The following KLHL5 variants were observed in gnomAD, a reference collection of about 807,000 sequenced individuals.
The protein encoded by KLHL5 is kelch-like protein 5.
In KLHL5, 48 loss-of-function variants were observed where a neutral mutation model predicts 77.7. That is an observed-to-expected ratio of 0.62 (90% CI 0.49 to 0.79). KLHL5 has a LOEUF of 0.79. Among genes scored for constraint, KLHL5 ranks in the 30% least tolerant of loss-of-function variants. KLHL5 has a pLI of 0.00. For synonymous variants in KLHL5, 260 were observed against 297.0 expected, an observed-to-expected ratio of 0.88 and a Z score of 1.28; for missense variants, 723 against 859.7, an observed-to-expected ratio of 0.84 and a Z score of 1.99.
At chr4:39,139,218 G>A in the KLHL5 span, among the ~76,000 whole-genome samples, 2 of 149,234 alleles carry the variant, frequency 1.3e-5, no homozygotes, top group Non-Finnish European at 3.0e-5. Context: ...GGAGACGGAG[G>A]TTGCAGTGAG....
rs1560408519 is a variant in KLHL5, at chr4:39,063,036, GTTGA to G, written c.383+4_383+7del. ...ATGAATCTGATTCCAGTTCATGCAG[GTTGA>G]TTATTTTCTTACTGTTAGAAAAGGG... On this transcript the variant is annotated splice_donor_variant and splice_donor_5th_base_variant and intron_variant, in intron 1 of 10. Transcript: ENST00000504108. LOFTEE classifies it high-confidence loss of function. 1 of 1,607,322 alleles carries G rather than the reference GTTGA, an allele frequency of 6.2e-7. No homozygotes were observed. The highest frequency in any genetic ancestry group is 1.1e-5 in the South Asian group (1 of 90,042).
At chr4:39,112,793 C>G in intron 8 of KLHL5, 1 of 473,220 alleles carries the variant, frequency 2.1e-6, no homozygotes, top group Non-Finnish European at 3.8e-6. Flanking sequence ...GTTGTCACTG[C>G]CTTCATGTGC....
chr4:39,115,679 T>C (rs756678695), intron 10 of KLHL5: 34 of 1,265,436 alleles, frequency 2.7e-5, no homozygotes, highest in Non-Finnish European at 3.2e-5. Flanking sequence ...TCAGAAAACT[T>C]TGAACAACTT....
intron 10 of KLHL5, chr4:39,115,957 T>C: frequency 1.0e-6 from 1 of 986,776 alleles, no homozygotes; most frequent in Non-Finnish European, 1.2e-6. Context: ...AGTTCAGTAC[T>C]TGGTACATAA....
At position 39,045,152 on chromosome 4, in the gene KLHL5, C is replaced by T. The variant is rs1193935085; in HGVS notation, c.-95+56C>T. ...AGGGGGCCGCCTCGGGCAGGGCCCGCTTCCCGCCCCCACGCGACTCTCACG... is the reference window on the plus strand; with the variant it reads ...AGGGGGCCGCCTCGGGCAGGGCCCGTTTCCCGCCCCCACGCGACTCTCACG... On this transcript the variant is annotated intron_variant, in intron 1 of 11. Transcript: ENST00000261425. 1.0e-5 allele frequency: 10 copies of T among 984,234 alleles called. No homozygotes were observed. In the East Asian group the frequency reaches 3.4e-4, roughly 34 times the overall value. 61.0% of individuals were successfully genotyped at this position (984,234 alleles called of 1,614,324 possible).
intron 5 of KLHL5, among the ~76,000 whole-genome samples, chr4:39,092,223 A>G (rs765037965): frequency 6.6e-5 from 10 of 152,098 alleles, no homozygotes; most frequent in Non-Finnish European, 1.5e-4. Context: ...ATGAAAGTAT[A>G]TATTTTGTAG....
chr4:39,115,627 A>G, intron 10 of KLHL5: 1 of 1,367,086 alleles, frequency 7.3e-7, no homozygotes, highest in South Asian at 1.8e-5. Context: ...GAGGGCTGCA[A>G]CAATGGGAGG....
In KLHL5 at chr4:39,082,098, G is replaced by T. The variant is rs749997338; in HGVS notation, c.839G>T (p.Arg280Leu). 1.9e-6 allele frequency: 3 copies of T among 1,613,854 alleles called. No individual in the cohort carries two copies. The highest frequency in any genetic ancestry group is 2.5e-6 in the Non-Finnish European group (3 of 1,179,900). The part of the protein sequence containing the change: ...QLHPSNCLGI[R>L]SFADAQGCTD... ...CATCCATCCAACTGTCTTGGAATTC[G>T]TTCTTTTGCTGATGCCCAAGGTTGT... Residue 280 changes from arginine (R) to leucine (L), a missense_variant, in exon 4 of 11, where the codon CGT (arginine) becomes CTT (leucine). Arg to Leu is a moderately radical substitution (Grantham distance 102). Around this residue, in one of 3 missense-constraint regions of KLHL5, gnomAD observed 288 missense variants for 400.3 expected, o/e 0.72. Coordinates refer to ENST00000504108, the MANE Select transcript of KLHL5 (RefSeq NM_015990.5).
the KLHL5 span, chr4:39,134,180 A>G: frequency 6.6e-6 from 1 of 152,348 alleles, no homozygotes; most frequent in East Asian, 1.9e-4. Context: ...CCTCTGAGAA[A>G]GTTTTCTCTG....
chr4:39,091,877 C>G (rs7356462), intron 5 of KLHL5, among the ~76,000 whole-genome samples: 3,863 of 117,716 alleles, frequency 0.033, 213 homozygotes, highest in African/African-American at 0.12. Context: ...GTAGAGACAG[C>G]GTCTCACTTT....
intron 1 of KLHL5, among the ~76,000 whole-genome samples, chr4:39,048,651 T>TTTTTG: frequency 6.9e-6 from 1 of 143,984 alleles, no homozygotes. Context: ...TTTTTTTTTT[T>TTTTTG]TTTTTTTTGG....
chr4:39,077,966 G>A (rs887606732), intron 2 of KLHL5, among the ~76,000 whole-genome samples: 74 of 152,266 alleles, frequency 4.9e-4, no homozygotes, highest in Middle Eastern at 3.4e-3. Context: ...ATGAAATAAT[G>A]GGATTCTCAG....
In KLHL5 at chr4:39,062,238, A is replaced by G; in HGVS notation, c.-415A>G. On this transcript the variant is annotated 5_prime_UTR_variant, in exon 1 of 11. Transcript: ENST00000504108. The stretch of plus-strand genomic sequence containing the variant: ...AAGCAGCAGAGACTGAGATACTGCA[A>G]CGGGGATAGTGTTTTCTGTCTCTGT... 8.0e-7 allele frequency: 1 copy of G among 1,245,466 alleles called. No individual in the cohort carries two copies. The highest frequency in any genetic ancestry group is 1.0e-6 in the Non-Finnish European group (1 of 990,628). The allele number at this position is 1,245,466 out of a possible 1,614,324, so 77.2% of individuals were successfully genotyped here. A position where few individuals can be genotyped will look rare whatever the true frequency, so the allele number is the denominator to read the frequency against.
the KLHL5 span, among the ~76,000 whole-genome samples, chr4:39,137,039 C>T: frequency 6.6e-6 from 1 of 152,102 alleles, no homozygotes; most frequent in African/African-American, 2.4e-5. Flanking sequence ...AAGGTTTTCA[C>T]TGTTGGAGAA....
chr4:39,045,077 C>T (rs1426864861), exon 1 of KLHL5: 6 of 987,936 alleles, frequency 6.1e-6, no homozygotes, highest in Non-Finnish European at 7.2e-6. Flanking sequence ...GACCCACGGC[C>T]GCCTCCGGAG....
At chr4:39,100,640 G>A (rs1721452358) in intron 6 of KLHL5, among the ~76,000 whole-genome samples, 1 of 152,138 alleles carries the variant, frequency 6.6e-6, no homozygotes, top group African/African-American at 2.4e-5. Flanking sequence ...TTTTGGCTTT[G>A]GAGATGATAC....
chr4:39,105,656 A>G (rs904582852), intron 7 of KLHL5, among the ~76,000 whole-genome samples: 2 of 151,582 alleles, frequency 1.3e-5, no homozygotes, highest in Non-Finnish European at 2.9e-5. Context: ...ATATACACAT[A>G]TAAAATGTGT....
rs139630969 is a variant in KLHL5, at chr4:39,115,255, T to G, written c.1998T>G (p.Ala666=). The G allele has an allele frequency of 6.2e-6, 10 of 1,613,976 alleles. No homozygotes were observed. The highest frequency in any genetic ancestry group is 8.5e-6 in the Non-Finnish European group (10 of 1,179,998). Residue 666 remains alanine, a synonymous_variant, in exon 10 of 11, where the codon GCT becomes GCG. Transcript: ENST00000504108. ...GTTTACTTGGTGATAAGTTATATGC[T>G]GTTGGGGGGTATGATGGACAGGCAT... ...GVCLLGDKLY[A]VGGYDGQAYL...
chr4:39,045,430 A>AC (rs1221944486), intron 1 of KLHL5, among the ~76,000 whole-genome samples: 1 of 151,452 alleles, frequency 6.6e-6, no homozygotes, highest in Non-Finnish European at 1.5e-5. Flanking sequence ...ACTGCGGTGC[A>AC]CCCGTTGCTG....
Sources: gnomAD v4.1 joint callset for allele counts (sites outside exome capture counted in the v4.1 genomes callset) on GRCh38, gnomAD v4.1.1 for gene constraint, gnomAD v4.1.1 regional missense constraint, MANE v1.5 for transcripts, NCBI Gene and HGNC (gene_info 2026-07-23, HGNC 2026-07-21) for gene names.